Variants in DCC observed in about 807,000 individuals in gnomAD.
The protein encoded by DCC is netrin receptor DCC.
A neutral mutation model predicts 172.5 loss-of-function variants in DCC; 58 were observed. The observed-to-expected ratio is 0.34, with a 90% CI of 0.27 to 0.42. The LOEUF is 0.42. Among genes scored for constraint, DCC ranks in the 10% least tolerant of loss-of-function variants. DCC has a pLI of 1.00. For missense variants in DCC, 1,740 were observed against 1,791.0 expected, an observed-to-expected ratio of 0.97 and a Z score of 0.51; for synonymous variants, 709 against 644.5, an observed-to-expected ratio of 1.10 and a Z score of -1.52.
chr18:53,388,746 A>G (rs568197057), intron 16 of DCC, among the ~76,000 whole-genome samples: 1 of 152,348 alleles, frequency 6.6e-6, no homozygotes, highest in South Asian at 2.1e-4. Flanking sequence ...TCAATGTTAA[A>G]ATGAAGTACA....
At chr18:53,475,366 C>T (rs1001463186) in intron 25 of DCC, among the ~76,000 whole-genome samples, 41 of 152,294 alleles carry the variant, frequency 2.7e-4, no homozygotes, top group African/African-American at 9.4e-4. Context: ...CACAGCAGCC[C>T]CTCACATCAT....
At chr18:53,091,637 C>T (rs888175452) in intron 7 of DCC, among the ~76,000 whole-genome samples, 10 of 151,406 alleles carry the variant, frequency 6.6e-5, no homozygotes, top group African/African-American at 2.4e-4. Context: ...AGATAATTCC[C>T]TGGGATCTCT....
At chr18:53,300,782 A>T in intron 12 of DCC, among the ~76,000 whole-genome samples, 1 of 152,002 alleles carries the variant, frequency 6.6e-6, no homozygotes, top group East Asian at 1.9e-4. Context: ...TTTAGATTAT[A>T]TTTTTTTTCT....
intron 3 of DCC, among the ~76,000 whole-genome samples, chr18:52,919,977 G>A (rs1199104939): frequency 2.3e-5 from 3 of 132,786 alleles, no homozygotes; most frequent in Non-Finnish European, 3.2e-5. Flanking sequence ...GAAAAAAATC[G>A]CCTTTTCAAC....
At chr18:53,377,660 T>A (rs550001202) in intron 15 of DCC, among the ~76,000 whole-genome samples, 1 of 152,314 alleles carries the variant, frequency 6.6e-6, no homozygotes, top group Admixed American at 6.5e-5. Context: ...CCTTACTGTA[T>A]GTCACACTGG....
chr18:52,372,530 T>A (rs1157983471), intron 1 of DCC, among the ~76,000 whole-genome samples: 5 of 152,340 alleles, frequency 3.3e-5, no homozygotes, highest in Non-Finnish European at 5.9e-5. Flanking sequence ...TGATATGTTA[T>A]ATAGTTGTAT....
chr18:53,231,392 T>C (rs751032067), intron 12 of DCC, among the ~76,000 whole-genome samples: 1 of 152,098 alleles, frequency 6.6e-6, no homozygotes, highest in Non-Finnish European at 1.5e-5. Flanking sequence ...AAGCAAATGA[T>C]AAAATAAATT....
chr18:53,146,086 G>T (rs1325586863), intron 7 of DCC, among the ~76,000 whole-genome samples: 5 of 152,006 alleles, frequency 3.3e-5, no homozygotes, highest in Non-Finnish European at 7.4e-5. Context: ...GCAAAAATTA[G>T]CTGGGCATGG....
chr18:52,541,599 A>G (rs915861174), intron 1 of DCC, among the ~76,000 whole-genome samples: 12 of 151,982 alleles, frequency 7.9e-5, no homozygotes, highest in Non-Finnish European at 1.3e-4. Context: ...ATCCGTTCTA[A>G]CCTCAATATT....
chr18:52,691,832 G>A (rs1045441095), intron 1 of DCC, among the ~76,000 whole-genome samples: 1 of 151,994 alleles, frequency 6.6e-6, no homozygotes, highest in African/African-American at 2.4e-5. Context: ...ACCCTATCCT[G>A]GGTAGACCCA....
At chr18:52,521,151 GA>G (rs79470913) in intron 1 of DCC, among the ~76,000 whole-genome samples, 2 of 150,168 alleles carry the variant, frequency 1.3e-5, no homozygotes, top group Admixed American at 6.7e-5. Context: ...CTCAGGATTT[GA>G]AAAAAAATGC....
In DCC at chr18:53,149,304, C is replaced by G. The variant is rs1487509516; in HGVS notation, c.1262-8052C>G. On this transcript the variant is annotated intron_variant, in intron 7 of 28. Transcript: ENST00000442544. ...CCGTTTATTGAATGCAAATCATATG[C>G]TAGGTATGGTGAGCAGCCCTTAGAC... Among the ~76,000 whole-genome samples, 3 of 152,128 alleles carry G rather than the reference C, an allele frequency of 2.0e-5. No homozygotes were observed. In the East Asian group the frequency reaches 5.8e-4, roughly 29 times the overall value.
At chr18:52,837,707 C>A (rs1421829730) in intron 2 of DCC, among the ~76,000 whole-genome samples, 1 of 152,180 alleles carries the variant, frequency 6.6e-6, no homozygotes, top group African/African-American at 2.4e-5. Flanking sequence ...TGCCTCTTAC[C>A]CAGTTCTAAC....
At chr18:53,432,133 T>A (rs1911657426) in intron 21 of DCC, among the ~76,000 whole-genome samples, 1 of 151,690 alleles carries the variant, frequency 6.6e-6, no homozygotes, top group Admixed American at 6.6e-5. Context: ...TTGATAAGAA[T>A]ACTTTAATAA....
At chr18:52,506,044 A>G (rs1451132722) in intron 1 of DCC, among the ~76,000 whole-genome samples, 1 of 152,186 alleles carries the variant, frequency 6.6e-6, no homozygotes, top group African/African-American at 2.4e-5. Context: ...TGAATTTATT[A>G]ATGTGATCAT....
intron 5 of DCC, among the ~76,000 whole-genome samples, chr18:53,038,524 A>G (rs776902430): frequency 1.3e-5 from 2 of 151,968 alleles, no homozygotes; most frequent in Non-Finnish European, 2.9e-5. Context: ...CCTATACACT[A>G]TCATTAAGGT....
At chr18:52,656,770 C>A (rs145785129) in intron 1 of DCC, among the ~76,000 whole-genome samples, 24 of 152,080 alleles carry the variant, frequency 1.6e-4, no homozygotes, top group African/African-American at 5.3e-4. Context: ...GTTTTTAATT[C>A]TTGTTTTCAA....
intron 5 of DCC, among the ~76,000 whole-genome samples, chr18:53,023,017 G>A (rs1348829023): frequency 1.3e-5 from 2 of 151,924 alleles, no homozygotes; most frequent in Non-Finnish European, 2.9e-5. Context: ...TCGACTTTTT[G>A]GAAGGCTGGT....
chr18:53,336,345 G>A (rs983683828), intron 14 of DCC, among the ~76,000 whole-genome samples: 1 of 152,160 alleles, frequency 6.6e-6, no homozygotes, highest in Non-Finnish European at 1.5e-5. Flanking sequence ...GGTCATCTAT[G>A]TTAGAGAAAA....
Sources: allele counts gnomAD v4.1 joint callset (sites outside exome capture counted in the v4.1 genomes callset), GRCh38; gene constraint gnomAD v4.1.1; transcripts MANE v1.5; gene names NCBI Gene and HGNC (gene_info 2026-07-23, HGNC 2026-07-21).